Variants in KIF5C observed in about 807,000 individuals in gnomAD.
KIF5C encodes kinesin family member 5C.
A neutral mutation model predicts 125.2 loss-of-function variants in KIF5C; 18 were observed. The ratio of observed to expected loss-of-function variants is 0.14; its 90% CI spans 0.10 to 0.21. The LOEUF (loss-of-function observed/expected upper bound fraction) is 0.21, where lower values mean the gene tolerates loss of function less well. Ranked by LOEUF, KIF5C falls within the 10% of genes least tolerant of loss-of-function variation. The pLI is 1.00. For synonymous variants in KIF5C, 405 were observed against 434.0 expected, an observed-to-expected ratio of 0.93 and a Z score of 0.83; for missense variants, 780 against 1,183.8, an observed-to-expected ratio of 0.66 and a Z score of 5.01.
chr2:148,896,296 G>C (rs574079547), intron 1 of KIF5C, among the ~76,000 whole-genome samples: 1 of 152,284 alleles, frequency 6.6e-6, no homozygotes, highest in East Asian at 1.9e-4. Context: ...ACACATACGT[G>C]AGCTAAGCCT....
chr2:148,991,328 A>T, intron 16 of KIF5C, 130 bp downstream of exon 16: 1 of 1,412,786 alleles, frequency 7.1e-7, no homozygotes, highest in South Asian at 1.5e-5. Flanking sequence ...TGGCCTCCCC[A>T]GGTGATGGCA....
chr2:148,965,863 C>T (rs1481124269), intron 11 of KIF5C, among the ~76,000 whole-genome samples: 1 of 152,018 alleles, frequency 6.6e-6, no homozygotes, highest in African/African-American at 2.4e-5. Flanking sequence ...GTGGGCAGGG[C>T]CAGTTAGATG....
intron 21 of KIF5C, among the ~76,000 whole-genome samples, chr2:149,002,288 C>T (rs1681873562): frequency 6.6e-6 from 1 of 152,206 alleles, no homozygotes; most frequent in South Asian, 2.1e-4. Flanking sequence ...TCTCACCCTA[C>T]TGTCCCTAGC....
chr2:148,953,204 G>A (rs143380308), intron 10 of KIF5C, among the ~76,000 whole-genome samples: 328 of 152,296 alleles, frequency 2.2e-3, no homozygotes, highest in Non-Finnish European at 3.0e-3. Flanking sequence ...ACAGTAGGTG[G>A]TCAATAAATA....
In KIF5C at chr2:148,973,519, G is replaced by A. The variant is rs1446154285; in HGVS notation, c.1293+8G>A. On this transcript the variant is annotated splice_region_variant and intron_variant, in intron 12 of 25. Coordinates refer to ENST00000435030, the MANE Select transcript of KIF5C (RefSeq NM_004522.3). ...AGACAACTGGATGACAAGGTCTGTGGCCAGAGATTCATAGTTCTCATTCTG... is the reference window on the plus strand; with the variant it reads ...AGACAACTGGATGACAAGGTCTGTGACCAGAGATTCATAGTTCTCATTCTG... 5 of 1,600,304 alleles carry A rather than the reference G, an allele frequency of 3.1e-6. No homozygotes were observed. In the African/African-American group the frequency reaches 4.0e-5, roughly 13 times the overall value.
rs1043842275 is a variant in KIF5C, at chr2:149,023,614, A to G, written c.*544A>G. ...GACACATTTTGAATATCCTGGTCAC[A>G]TCTTTGGATCTGTAAAATATACCTT... On this transcript the variant is annotated 3_prime_UTR_variant, in exon 26 of 26. Transcript: ENST00000435030. 4 of 152,696 alleles carry G rather than the reference A, an allele frequency of 2.6e-5. No individual in the cohort carries two copies. The highest frequency in any genetic ancestry group is 4.4e-5 in the Non-Finnish European group (3 of 68,038). The allele number at this position is 152,696 out of a possible 1,614,324, so 9.5% of individuals were successfully genotyped here.
At chr2:148,935,254 A>G (rs1574766076) in intron 3 of KIF5C, among the ~76,000 whole-genome samples, 1 of 152,358 alleles carries the variant, frequency 6.6e-6, no homozygotes, top group East Asian at 1.9e-4. Flanking sequence ...CCAGGAATCA[A>G]TGGGGAGATA....
At chr2:148,953,036 G>C (rs1166789651) in intron 10 of KIF5C, among the ~76,000 whole-genome samples, 1 of 152,172 alleles carries the variant, frequency 6.6e-6, no homozygotes, top group Non-Finnish European at 1.5e-5. Context: ...GGTAATTTGG[G>C]CTTCCAGGAA....
In KIF5C at chr2:148,998,484, C is replaced by G; in HGVS notation, c.2185C>G (p.Gln729Glu). 1 of 1,560,052 alleles carries G rather than the reference C, an allele frequency of 6.4e-7. No individual in the cohort carries two copies. The highest frequency in any genetic ancestry group is 1.2e-5 in the South Asian group (1 of 84,386). ...SRLRDEIEEKQKIIDEIRDLN... is the reference protein window; with the variant it reads ...SRLRDEIEEKEKIIDEIRDLN... ...ACTCCGAGACGAAATTGAGGAGAAG[C>G]AGAAAATCATTGATGAGATTCGGGA... The change falls in exon 19 of 26, where the codon CAG becomes GAG. Residue 729 changes from glutamine (Q) to glutamate (E), a missense_variant. This residue lies in a region of KIF5C where 573 missense variants were observed against 742.6 expected (regional missense o/e 0.77). Transcript: ENST00000435030.
intron 21 of KIF5C, among the ~76,000 whole-genome samples, chr2:149,004,435 A>T (rs932209076): frequency 6.6e-6 from 1 of 152,200 alleles, no homozygotes; most frequent in Non-Finnish European, 1.5e-5. Context: ...TGGTAAATAC[A>T]TGGAGACTTG....
intron 3 of KIF5C, among the ~76,000 whole-genome samples, chr2:148,933,225 G>GACATC (rs1293891176): frequency 6.6e-6 from 1 of 151,960 alleles, no homozygotes; most frequent in Non-Finnish European, 1.5e-5. Context: ...CCTCAAGCAA[G>GACATC]CCATCCCATA....
chr2:149,000,622 C>A, intron 20 of KIF5C, 98 bp downstream of exon 20: 2 of 1,585,274 alleles, frequency 1.3e-6, no homozygotes, highest in South Asian at 1.2e-5. Flanking sequence ...TATTTGTGTG[C>A]TTGTTGGTGG....
chr2:148,962,179 T>C, intron 11 of KIF5C, 60 bp downstream of exon 11: 1 of 1,494,280 alleles, frequency 6.7e-7, no homozygotes, highest in Non-Finnish European at 8.9e-7. Flanking sequence ...ATTTTTATTT[T>C]TTTTGAGACA....
chr2:148,983,548 A>G (rs375744828), intron 14 of KIF5C, 72 bp from the exon 15 acceptor site: 29 of 1,450,964 alleles, frequency 2.0e-5, no homozygotes, highest in East Asian at 1.9e-4. Context: ...TGATGGTGTT[A>G]TTCTTTGTAA....
intron 1 of KIF5C, among the ~76,000 whole-genome samples, chr2:148,885,228 C>T (rs866022554): frequency 2.0e-5 from 3 of 152,312 alleles, no homozygotes; most frequent in Non-Finnish European, 4.4e-5. Flanking sequence ...TCGAGCAATC[C>T]ACCTGCCTTG....
At chr2:148,891,988 G>A (rs1277886502) in intron 1 of KIF5C, among the ~76,000 whole-genome samples, 1 of 152,184 alleles carries the variant, frequency 6.6e-6, no homozygotes, top group African/African-American at 2.4e-5. Context: ...ATGAGCCACT[G>A]CATCATTCAT....
intron 13 of KIF5C, 32 bp from the exon 14 acceptor site, chr2:148,981,323 T>A: frequency 1.3e-6 from 2 of 1,571,292 alleles, no homozygotes; most frequent in African/African-American, 1.4e-5. Flanking sequence ...GAACATTAGA[T>A]TCACAAGTTC....
rs369332084 is a variant in KIF5C at position 148,991,177 on chromosome 2, C to G, written c.1884C>G (p.Ala628=). Residue 628 remains alanine (A), a synonymous_variant, in exon 16 of 26, where the codon GCC becomes GCG. Coordinates refer to ENST00000435030, the MANE Select transcript of KIF5C (RefSeq NM_004522.3). ...ATGCCAGCGAGCGGGAGCTGGCAGC[C>G]TGCCAGCTGCTCATCTCCCAGGTGG... ...KMNASERELA[A]CQLLISQHEA... The G allele has an allele frequency of 6.8e-5, 109 of 1,613,638 alleles. No homozygotes were observed. The highest frequency in any genetic ancestry group is 8.4e-5 in the Non-Finnish European group (99 of 1,179,792).
intron 1 of KIF5C, among the ~76,000 whole-genome samples, chr2:148,897,100 T>C (rs1376577399): frequency 6.6e-6 from 1 of 152,210 alleles, no homozygotes; most frequent in Non-Finnish European, 1.5e-5. Context: ...CCCAAAGTGC[T>C]AGGATTATAG....
Sources: gnomAD v4.1 joint callset for allele counts (sites outside exome capture counted in the v4.1 genomes callset) on GRCh38, gnomAD v4.1.1 for gene constraint, gnomAD v4.1.1 regional missense constraint, MANE v1.5 for transcripts, NCBI Gene and HGNC (gene_info 2026-07-23, HGNC 2026-07-21) for gene names.